FER1L5: variants seen among roughly 807,000 people sequenced by gnomAD.
The protein encoded by FER1L5 is fer-1-like protein 5.
In FER1L5, 187 loss-of-function variants were observed where a neutral mutation model predicts 279.9. The ratio of observed to expected loss-of-function variants is 0.67; its 90% confidence interval spans 0.59 to 0.75. The LOEUF (loss-of-function observed/expected upper bound fraction) is 0.75. Ranked by LOEUF, FER1L5 falls within the 30% of genes least tolerant of loss-of-function variation. The pLI is 0.00. For synonymous variants in FER1L5, 921 were observed against 989.7 expected, an observed-to-expected ratio of 0.93 and a Z score of 1.30; for missense variants, 2,091 against 2,594.4, an observed-to-expected ratio of 0.81 and a Z score of 4.21.
At chr2:96,655,987 C>T (rs1312866026) in intron 9 of FER1L5, among the ~76,000 whole-genome samples, 3 of 152,180 alleles carry the variant, frequency 2.0e-5, no homozygotes, top group Non-Finnish European at 2.9e-5. Flanking sequence ...GCTGGGATTA[C>T]AGGCGTGTGT....
Position 96,692,103 on chromosome 2 carries a change from G to A in FER1L5, c.3215-1G>A. The A allele has an allele frequency of 1.3e-6, 2 of 1,551,436 alleles. No individual in the cohort carries two copies. The highest frequency in any genetic ancestry group is 1.7e-6 in the Non-Finnish European group (2 of 1,146,884). On this transcript the variant is annotated splice_acceptor_variant, in intron 30 of 52. Coordinates refer to ENST00000624922, the MANE Select transcript of FER1L5 (RefSeq NM_001293083.2). LOFTEE classifies it high-confidence loss of function. ...GACAGGCATGGCTTCTCTTTCCCCAGAGCCCCACTACTACCAGCTCTTCTG... is the reference window on the plus strand; with the variant it reads ...GACAGGCATGGCTTCTCTTTCCCCAAAGCCCCACTACTACCAGCTCTTCTG...
Position 96,687,865 on chromosome 2 carries a change from T to C in FER1L5, c.2279T>C (p.Val760Ala). 1 of 1,551,222 alleles carries C rather than the reference T, an allele frequency of 6.4e-7. No homozygotes were observed. Among genetic ancestry groups the C allele is most frequent in the Non-Finnish European group, 8.7e-7 (1 of 1,146,968 alleles). The change falls in exon 24 of 53, where the codon GTC becomes GCC. Residue 760 changes from valine to alanine, a missense_variant. Physicochemically the swap from Val to Ala is moderately conservative, Grantham distance 64. Coordinates refer to ENST00000624922, the MANE Select transcript of FER1L5 (RefSeq NM_001293083.2). ...QKDVLPAHLR[V>A]CMWLGNVTDS... ...GATGTGCTCCCAGCTCACCTCCGGG[T>C]CTGCATGTGGCTTGGCAATGTCACA...
chr2:96,651,475 C>T (rs1173944899), intron 6 of FER1L5, among the ~76,000 whole-genome samples: 1 of 133,468 alleles, frequency 7.5e-6, no homozygotes, highest in Admixed American at 7.5e-5. Flanking sequence ...CTCCGTCCCT[C>T]CCTCCCTCCC....
rs758782791 is a variant in FER1L5 at position 96,690,516 on chromosome 2, C to A, written c.2670C>A (p.Asn890Lys). Residue 890 changes from asparagine (N) to lysine (K), a missense_variant, in exon 27 of 53, where the codon AAC becomes AAA. Asn to Lys is a moderately conservative substitution (Grantham distance 94, BLOSUM62 0). Transcript: ENST00000624922. ...VNGQPMEARE[N>K]VKCPQGWHFK... is the part of the protein sequence containing the mutation. ...GACAGCCCATGGAGGCCCGGGAGAA[C>A]GTGAAGTGCCCCCAAGGCTGGCACT... is the stretch of plus-strand genomic sequence containing the variant. 3 of 1,551,614 alleles carry A rather than the reference C, an allele frequency of 1.9e-6. No homozygotes were observed. Among genetic ancestry groups the A allele is most frequent in the South Asian group, 1.2e-5 (1 of 84,056 alleles).
At position 96,674,820 on chromosome 2, in the gene FER1L5, T is replaced by TA. The variant is rs572445351; in HGVS notation, c.1669+1575dup. ...AGTGAGACCCTGTTTAACCAAAAAC[T>TA]AAAAAAAAATAATAAAATGAGTACC... is the stretch of plus-strand genomic sequence containing the variant. On this transcript the variant is annotated intron_variant, in intron 19 of 52. Transcript: ENST00000624922. 5.5e-3 allele frequency among the ~76,000 whole-genome samples: 836 copies of TA among 150,666 alleles called. 8 individuals are homozygous for TA. Among genetic ancestry groups the TA allele is most frequent in the African/African-American group, 0.019 (790 of 41,112 alleles).
chr2:96,669,067 G>T lies in FER1L5; in HGVS notation c.1292G>T (p.Cys431Phe). 6.4e-7 allele frequency: 1 copy of T among 1,551,658 alleles called. No homozygotes were observed. Among genetic ancestry groups the T allele is most frequent in the Non-Finnish European group, 8.7e-7 (1 of 1,146,992 alleles). ...GGAGTGTACTCCGGCTTCCTGCCCTGCTTTGGCCCCAGCTTCCTGACTCTG... is the reference window on the plus strand; with the variant it reads ...GGAGTGTACTCCGGCTTCCTGCCCTTCTTTGGCCCCAGCTTCCTGACTCTG... ...IEGVYSGFLP[C>F]FGPSFLTLHG... The change falls in exon 17 of 53, where the codon TGC becomes TTC. Residue 431 changes from cysteine (C) to phenylalanine (F), a missense_variant. Transcript: ENST00000624922.
chr2:96,681,676 T>C (rs1343964187), intron 19 of FER1L5, among the ~76,000 whole-genome samples: 1 of 152,212 alleles, frequency 6.6e-6, no homozygotes, highest in African/African-American at 2.4e-5. Context: ...ACATAGGGTA[T>C]AGTCATAGCT....
chr2:96,659,290 T>C (rs10209315), intron 9 of FER1L5, among the ~76,000 whole-genome samples: 3,616 of 81,114 alleles, frequency 0.045, 362 homozygotes, highest in African/African-American at 0.13. Flanking sequence ...TTTATCAAGC[T>C]TTCCTTCCTT....
intron 8 of FER1L5, 66 bp downstream of exon 8, chr2:96,653,768 A>AG (rs1422204085): frequency 1.4e-5 from 17 of 1,249,368 alleles, no homozygotes; most frequent in Non-Finnish European, 1.9e-5. Flanking sequence ...GGGAAGCACT[A>AG]CAGCTCCAGC....
In FER1L5 at chr2:96,685,383, C is replaced by T; in HGVS notation, c.1849C>T (p.Leu617Phe). The T allele has an allele frequency of 1.3e-6, 2 of 1,551,368 alleles. No homozygotes were observed. The highest frequency in any genetic ancestry group is 2.4e-5 in the South Asian group (2 of 84,036). Reference protein sequence around the residue: ...STRNPKDPALLYQWEKLLREL... With the variant: ...STRNPKDPALFYQWEKLLREL... The stretch of plus-strand genomic sequence containing the variant: ...GCGGAATCCGAAGGATCCAGCTCTC[C>T]TCTACCAGTGGGAGAAACTGCTGAG... Residue 617 changes from leucine to phenylalanine, a missense_variant, in exon 21 of 53, where the codon CTC becomes TTC. By Grantham distance (22) the Leu-to-Phe change is conservative. Coordinates refer to ENST00000624922, the MANE Select transcript of FER1L5 (RefSeq NM_001293083.2).
chr2:96,664,407 C>T (rs1368676944), intron 14 of FER1L5, among the ~76,000 whole-genome samples: 1 of 152,168 alleles, frequency 6.6e-6, no homozygotes, highest in African/African-American at 2.4e-5. Flanking sequence ...TATTAGCTTG[C>T]ATTTCCTAGT....
intron 39 of FER1L5, 56 bp downstream of exon 39, chr2:96,697,817 C>A (rs2077440305): frequency 6.3e-7 from 1 of 1,583,262 alleles, no homozygotes; most frequent in African/African-American, 1.3e-5. Context: ...AGGAGGCCAG[C>A]AGAGCTAGCC....
intron 18 of FER1L5, among the ~76,000 whole-genome samples, chr2:96,671,106 C>CAAAAAAGAAAAAAAAAA (rs2076309658): frequency 2.5e-5 from 1 of 40,222 alleles, no homozygotes; most frequent in Non-Finnish European, 3.9e-5. Context: ...GACTCCATCT[C>CAAAAAAGAAAAAAAAAA]AAAAAAAAAA....
At chr2:96,661,476 T>C in intron 11 of FER1L5, 36 bp downstream of exon 11, 4 of 1,543,464 alleles carry the variant, frequency 2.6e-6, no homozygotes, top group Non-Finnish European at 3.5e-6. Flanking sequence ...TTTCCTATCC[T>C]GGCTGCCTCC....
At position 96,694,107 on chromosome 2, in the gene FER1L5, C is replaced by T. The variant is rs1477100383; in HGVS notation, c.3636+35C>T. ...GAGAGGGCCTGGCTGGGAAGTGTGGCACTCAGTGCCCCTCCCCGTCCCACC... is the reference window on the plus strand; with the variant it reads ...GAGAGGGCCTGGCTGGGAAGTGTGGTACTCAGTGCCCCTCCCCGTCCCACC... On this transcript the variant is annotated intron_variant, in intron 33 of 52. Transcript: ENST00000624922. The surrounding 1 kb of genome is among the most constrained non-coding windows in gnomAD (Gnocchi z 4.6). The T allele has an allele frequency of 6.6e-7, 1 of 1,520,446 alleles. No individual in the cohort carries two copies. Among genetic ancestry groups the T allele is most frequent in the Non-Finnish European group, 8.8e-7 (1 of 1,137,666 alleles). 94.2% of individuals were successfully genotyped at this position (1,520,446 alleles called of 1,614,324 possible).
At chr2:96,693,460 C>G in intron 31 of FER1L5, 46 bp from the exon 32 acceptor site, 1 of 1,504,236 alleles carries the variant, frequency 6.6e-7, no homozygotes, top group Non-Finnish European at 8.9e-7. Context: ...AGGAAAGCCC[C>G]TCTTCCCAGC....
intron 20 of FER1L5, 89 bp downstream of exon 20, chr2:96,684,540 C>A: frequency 6.7e-7 from 1 of 1,485,644 alleles, no homozygotes; most frequent in South Asian, 1.3e-5. Context: ...TGGCAGGAAA[C>A]TGGTCACACA....
chr2:96,687,813 C>T lies in FER1L5; in HGVS notation c.2230-3C>T, dbSNP rs1329053204. The T allele has an allele frequency of 5.2e-6, 8 of 1,550,992 alleles. No homozygotes were observed. The highest frequency in any genetic ancestry group is 6.1e-6 in the Non-Finnish European group (7 of 1,146,964). On this transcript the variant is annotated splice_region_variant and splice_polypyrimidine_tract_variant and intron_variant, in intron 23 of 52. Coordinates refer to ENST00000624922, the MANE Select transcript of FER1L5 (RefSeq NM_001293083.2). ...CTGTGGGACCGATCGGCCTCTGGCT[C>T]AGTACCCAGAGGGTGAAGGACAGAA...
chr2:96,645,360 A>G lies in FER1L5; in HGVS notation c.86-1041A>G, dbSNP rs572792680. Among the ~76,000 whole-genome samples, 6 of 152,128 alleles carry G rather than the reference A, an allele frequency of 3.9e-5. No homozygotes were observed. In the East Asian group the frequency reaches 1.2e-3, roughly 29 times the overall value. On this transcript the variant is annotated intron_variant, in intron 1 of 52. Coordinates refer to ENST00000624922, the MANE Select transcript of FER1L5 (RefSeq NM_001293083.2). ...AGGTCACAAGGGTGGCTATGGGGAG[A>G]GGAGAGAGGAGAATGAAGAATCTCA...
Sources: gnomAD v4.1 joint callset for allele counts (sites outside exome capture counted in the v4.1 genomes callset) on GRCh38, gnomAD v4.1.1 for gene constraint, Gnocchi (gnomAD v3.1) non-coding constraint, MANE v1.5 for transcripts, NCBI Gene and HGNC (gene_info 2026-07-23, HGNC 2026-07-21) for gene names.